COL24A1: variants seen among roughly 807,000 people sequenced by gnomAD.
COL24A1 encodes collagen alpha-1(XXIV) chain.
Under a neutral mutation model 253.9 loss-of-function variants are expected in COL24A1, and 224 were observed. That is an observed-to-expected ratio of 0.88 (90% CI 0.79 to 0.99). COL24A1 has a LOEUF of 0.99. Ranked by LOEUF, COL24A1 falls within the 50% of genes least tolerant of loss-of-function variation. The probability of loss-of-function intolerance (pLI) is 0.00; values close to 1 mark genes in which losing one functional copy is unlikely to be tolerated. For synonymous variants in COL24A1, 685 were observed against 673.7 expected (o/e 1.02, Z -0.26); for missense variants, 2,131 against 2,068.5 (o/e 1.03, Z -0.59).
At chr1:85,997,055 GTA>G (rs59071699) in intron 19 of COL24A1, among the ~76,000 whole-genome samples, 17,667 of 95,042 alleles carry the variant, frequency 0.19, 2,032 homozygotes, top group Non-Finnish European at 0.21. Context: ...GTGTGTGTGT[GTA>G]TATATATATA....
chr1:86,021,359 A>G (rs1010164208), intron 18 of COL24A1, among the ~76,000 whole-genome samples: 3 of 152,098 alleles, frequency 2.0e-5, no homozygotes, highest in African/African-American at 4.8e-5. Flanking sequence ...AACTCCTAAA[A>G]CCATCTTAAA....
Position 86,125,800 on chromosome 1 carries a change from A to G in COL24A1, c.536T>C (p.Val179Ala). 1 of 1,613,248 alleles carries G rather than the reference A, an allele frequency of 6.2e-7. No homozygotes were observed. Among genetic ancestry groups the G allele is most frequent in the Middle Eastern group, 1.7e-4 (1 of 6,050 alleles). ...GCTAAAATATTTCTTTCCACACTCA[A>G]CAAACATTGAGACACTTTGGTTTCT... ...TIRNQSVSMF[V>A]ECGKKYFSTE... Residue 179 changes from valine (V) to alanine (A), a missense_variant, in exon 3 of 60, where the codon GTT (valine) becomes GCT (alanine). Val to Ala is a moderately conservative substitution (Grantham distance 64). Coordinates refer to ENST00000370571, the MANE Select transcript of COL24A1 (RefSeq NM_152890.7).
At chr1:85,961,011 AG>A (rs1230898648) in intron 24 of COL24A1, 4 of 364,792 alleles carry the variant, frequency 1.1e-5, no homozygotes, top group Non-Finnish European at 1.9e-5. Flanking sequence ...AATGTTTCTG[AG>A]GTCACAAATA....
chr1:86,125,488 G>A lies in COL24A1; in HGVS notation c.848C>T (p.Thr283Ile), dbSNP rs1316795339. ...LFAEKVLSED[T>I]FTEGKSIPNI... The stretch of plus-strand genomic sequence containing the variant: ...TGGAATGCTTTTGCCTTCAGTAAAT[G>A]TATCCTCTGACAGTACTTTTTCAGC... The change falls in exon 3 of 60, where the codon ACA becomes ATA. Residue 283 changes from threonine to isoleucine, a missense_variant. Thr to Ile is a moderately conservative substitution (Grantham distance 89). Transcript: ENST00000370571. 6.2e-7 allele frequency: 1 copy of A among 1,613,630 alleles called. No individual in the cohort carries two copies. The highest frequency in any genetic ancestry group is 1.7e-4 in the Middle Eastern group (1 of 6,056).
intron 56 of COL24A1, 69 bp downstream of exon 56, chr1:85,745,372 C>A: frequency 8.6e-7 from 1 of 1,163,530 alleles, no homozygotes; most frequent in Non-Finnish European, 1.2e-6. Flanking sequence ...TTTTGGCCTC[C>A]AAAAATTTTC....
intron 24 of COL24A1, among the ~76,000 whole-genome samples, chr1:85,926,335 A>G (rs941899137): frequency 1.3e-5 from 2 of 152,236 alleles, no homozygotes; most frequent in Admixed American, 1.3e-4. Context: ...GTATATACCC[A>G]AAGGATTGTA....
chr1:85,777,713 G>GT (rs560700567), intron 52 of COL24A1, among the ~76,000 whole-genome samples: 127 of 152,180 alleles, frequency 8.3e-4, no homozygotes, highest in African/African-American at 2.9e-3. Flanking sequence ...TAAAGAATAT[G>GT]TACCTATATT....
At chr1:86,009,041 T>G (rs1163470524) in intron 19 of COL24A1, among the ~76,000 whole-genome samples, 29 of 152,226 alleles carry the variant, frequency 1.9e-4, no homozygotes, top group Admixed American at 1.9e-3. Flanking sequence ...CCCAGGGCTC[T>G]CTTAATTTAT....
At chr1:86,143,160 T>C (rs1281936499) in intron 2 of COL24A1, among the ~76,000 whole-genome samples, 1 of 152,164 alleles carries the variant, frequency 6.6e-6, no homozygotes, top group Non-Finnish European at 1.5e-5. Flanking sequence ...AACTAGAGGA[T>C]GTGCTGCACC....
intron 3 of COL24A1, among the ~76,000 whole-genome samples, chr1:86,124,076 T>C (rs967374717): frequency 6.6e-6 from 1 of 152,024 alleles, no homozygotes; most frequent in African/African-American, 2.4e-5. Context: ...TGATTTTAAA[T>C]GACTTTAAGT....
intron 24 of COL24A1, among the ~76,000 whole-genome samples, chr1:85,953,516 A>C (rs1263991284): frequency 1.3e-5 from 2 of 152,190 alleles, no homozygotes; most frequent in Non-Finnish European, 2.9e-5. Flanking sequence ...ATACTACTTA[A>C]AGATCAAGTC....
chr1:86,128,340 T>C (rs996896839), intron 2 of COL24A1, among the ~76,000 whole-genome samples: 2 of 152,008 alleles, frequency 1.3e-5, no homozygotes, highest in Non-Finnish European at 2.9e-5. Flanking sequence ...CAGGTTTACC[T>C]AACTCTAAAG....
intron 28 of COL24A1, among the ~76,000 whole-genome samples, chr1:85,900,302 A>C (rs949600187): frequency 2.6e-5 from 4 of 152,210 alleles, no homozygotes; most frequent in African/African-American, 9.7e-5. Flanking sequence ...AGTAATCCTA[A>C]GCAGAAAGAA....
intron 24 of COL24A1, among the ~76,000 whole-genome samples, chr1:85,918,921 T>G (rs889727903): frequency 2.6e-5 from 4 of 152,210 alleles, no homozygotes; most frequent in African/African-American, 9.6e-5. Flanking sequence ...ATGCTACTGA[T>G]GTCAGACTTG....
In COL24A1 at chr1:86,121,284, G is replaced by A. The variant is rs548047993; in HGVS notation, c.1491+3561C>T. Among the ~76,000 whole-genome samples the A allele has an allele frequency of 7.3e-3, 788 of 107,962 alleles. 9 individuals carry two copies. Among genetic ancestry groups the A allele is most frequent in the African/African-American group, 0.022 (751 of 34,092 alleles). The allele number at this position is 107,962 out of a possible 152,430, so 70.8% of individuals were successfully genotyped here. On this transcript the variant is annotated intron_variant, in intron 3 of 59. Coordinates refer to ENST00000370571, the MANE Select transcript of COL24A1 (RefSeq NM_152890.7). ...GTGCACATGTACCCTAGAACTTAAA[G>A]TATAATAAAAAAAAATTCTACTCAG...
At chr1:86,060,451 A>G (rs1701001163) in intron 8 of COL24A1, among the ~76,000 whole-genome samples, 1 of 152,146 alleles carries the variant, frequency 6.6e-6, no homozygotes, top group Non-Finnish European at 1.5e-5. Context: ...GAAGAGTGTT[A>G]CCTTCACTTT....
intron 8 of COL24A1, among the ~76,000 whole-genome samples, chr1:86,061,691 A>G (rs1390338165): frequency 6.6e-6 from 1 of 152,090 alleles, no homozygotes; most frequent in Admixed American, 6.6e-5. Flanking sequence ...TTCTGAGCCA[A>G]CCACACCCTA....
chr1:85,929,693 C>T (rs1240442741), intron 24 of COL24A1, among the ~76,000 whole-genome samples: 1 of 87,726 alleles, frequency 1.1e-5, no homozygotes, highest in Admixed American at 1.4e-4. Flanking sequence ...GTAAAGCTCT[C>T]CTCAGCAAAT....
In COL24A1 at chr1:85,877,179, T is replaced by C. The variant is rs757580130; in HGVS notation, c.2977-4A>G. ...CACCTTGCAGTCCTCGCAGTCCCTA[T>C]ATTAAAATAAAATTTAAGATATGAG... On this transcript the variant is annotated splice_region_variant and splice_polypyrimidine_tract_variant and intron_variant, in intron 32 of 59. Coordinates refer to ENST00000370571, the MANE Select transcript of COL24A1 (RefSeq NM_152890.7). 1.9e-6 allele frequency: 3 copies of C among 1,590,368 alleles called. No homozygotes were observed. The highest frequency in any genetic ancestry group is 1.7e-4 in the Middle Eastern group (1 of 5,950).
Sources: allele counts gnomAD v4.1 joint callset (sites outside exome capture counted in the v4.1 genomes callset), GRCh38; gene constraint gnomAD v4.1.1; transcripts MANE v1.5; gene names NCBI Gene and HGNC (gene_info 2026-07-23, HGNC 2026-07-21).